Variants in ANKRD31 observed in about 807,000 individuals in gnomAD.
ANKRD31 encodes the protein ankyrin repeat domain-containing protein 31.
In ANKRD31, 147 loss-of-function variants were observed where a neutral mutation model predicts 186.0. That is an observed-to-expected ratio of 0.79 (90% confidence interval 0.69 to 0.91). The LOEUF (loss-of-function observed/expected upper bound fraction) is 0.91. ANKRD31 is among the 40% of genes least tolerant of loss of function. The pLI is 0.00. For missense variants in ANKRD31, 1,986 were observed against 2,148.8 expected, an observed-to-expected ratio of 0.92 and a Z score of 1.50; for synonymous variants, 673 against 736.4, an observed-to-expected ratio of 0.91 and a Z score of 1.39.
intron 5 of ANKRD31, among the ~76,000 whole-genome samples, chr5:75,205,347 G>T (rs1756106512): frequency 6.6e-6 from 1 of 152,118 alleles, no homozygotes; most frequent in Non-Finnish European, 1.5e-5. Flanking sequence ...GTTTATCACA[G>T]TTTGGCCACA....
intron 10 of ANKRD31, among the ~76,000 whole-genome samples, chr5:75,175,505 T>C (rs1486684387): frequency 6.6e-6 from 1 of 152,040 alleles, no homozygotes; most frequent in Non-Finnish European, 1.5e-5. Flanking sequence ...GTGAAAAATA[T>C]CAGAACAGTA....
chr5:75,141,306 A>T (rs1308422863), intron 15 of ANKRD31, among the ~76,000 whole-genome samples: 2 of 152,170 alleles, frequency 1.3e-5, no homozygotes, highest in Non-Finnish European at 2.9e-5. Flanking sequence ...TTAGCAATCC[A>T]AAATTCTTTA....
At chr5:75,113,691 T>A (rs1747963652) in intron 19 of ANKRD31, among the ~76,000 whole-genome samples, 1 of 152,242 alleles carries the variant, frequency 6.6e-6, no homozygotes, top group African/African-American at 2.4e-5. Context: ...CCATAAAAGA[T>A]ATTTTAAAAG....
chr5:75,192,759 A>T lies in ANKRD31; in HGVS notation c.1316T>A (p.Leu439Ter). 1 of 1,534,458 alleles carries T rather than the reference A, an allele frequency of 6.5e-7. No homozygotes were observed. The highest frequency in any genetic ancestry group is 2.4e-5 in the East Asian group (1 of 40,832). ...ATTCTTCTCTTTACCATCAATCATTAAAGCCGGATCCTGCATTCTTGAAAA... is the reference window on the plus strand; with the variant it reads ...ATTCTTCTCTTTACCATCAATCATTTAAGCCGGATCCTGCATTCTTGAAAA... Reference protein sequence around the residue: ...AQNFRMQDPALMIDGKEKNMH... With the variant: ...AQNFRMQDPA The change falls in exon 9 of 26, where the codon TTA (leucine) becomes TAA (stop). Residue 439 changes from leucine (L) to a stop codon, truncating the protein, a stop_gained. Coordinates refer to ENST00000506364, the MANE Select transcript of ANKRD31 (RefSeq NM_001372053.1). LOFTEE classifies it high-confidence loss of function.
At chr5:75,172,277 C>T (rs1454352150) in intron 10 of ANKRD31, among the ~76,000 whole-genome samples, 1 of 150,896 alleles carries the variant, frequency 6.6e-6, no homozygotes, top group African/African-American at 2.4e-5. Flanking sequence ...GCTAATTCAC[C>T]ACAGTAGTGA....
At chr5:75,086,907 A>G (rs1443763159) in intron 23 of ANKRD31, among the ~76,000 whole-genome samples, 1 of 152,200 alleles carries the variant, frequency 6.6e-6, no homozygotes, top group Non-Finnish European at 1.5e-5. Flanking sequence ...ACACACACAC[A>G]TGCATGTTTG....
intron 9 of ANKRD31, among the ~76,000 whole-genome samples, chr5:75,190,800 C>T (rs1296606566): frequency 6.6e-6 from 1 of 151,948 alleles, no homozygotes; most frequent in Non-Finnish European, 1.5e-5. Context: ...CAAGTATATA[C>T]CCATGAAACC....
intron 10 of ANKRD31, among the ~76,000 whole-genome samples, chr5:75,171,330 C>A (rs995109588): frequency 1.3e-5 from 2 of 151,722 alleles, no homozygotes; most frequent in African/African-American, 4.8e-5. Context: ...TAGAGAATCC[C>A]CAAACATTTT....
intron 25 of ANKRD31, among the ~76,000 whole-genome samples, chr5:75,079,033 A>G (rs1375706262): frequency 6.6e-6 from 1 of 152,228 alleles, no homozygotes; most frequent in Non-Finnish European, 1.5e-5. Flanking sequence ...TTATGTTTCA[A>G]GTCTTTAATT....
In ANKRD31 at chr5:75,068,648, T is replaced by C. The variant is rs1298900279; in HGVS notation, c.5664A>G (p.Ser1888=). Residue 1888 remains serine, a synonymous_variant, in exon 26 of 26, where the codon TCA becomes TCG. Transcript: ENST00000506364. Reference sequence around the variant, plus strand: ...GTAGATAACGTGGGCTGCTTTGCATTGACTCTCTGGAAGTTCCTGTTTAAA... The same window carrying C: ...GTAGATAACGTGGGCTGCTTTGCATCGACTCTCTGGAAGTTCCTGTTTAAA... ...TKFGQGTSRE[S]MQSSPRYLQI... is the part of the protein sequence containing the mutation. 5 of 1,509,440 alleles carry C rather than the reference T, an allele frequency of 3.3e-6. No homozygotes were observed. In the South Asian group the frequency reaches 5.2e-5, roughly 16 times the overall value. 93.5% of individuals were successfully genotyped at this position (1,509,440 alleles called of 1,614,324 possible).
At chr5:75,200,003 T>C (rs918733318) in intron 5 of ANKRD31, among the ~76,000 whole-genome samples, 1 of 152,176 alleles carries the variant, frequency 6.6e-6, no homozygotes, top group Non-Finnish European at 1.5e-5. Flanking sequence ...GACTATCTAC[T>C]TTCTCAGTGT....
chr5:75,152,585 T>G (rs1418985875), intron 12 of ANKRD31, among the ~76,000 whole-genome samples: 1 of 152,036 alleles, frequency 6.6e-6, no homozygotes, highest in Non-Finnish European at 1.5e-5. Context: ...CATATGGATC[T>G]CTTGAATGGA....
At chr5:75,214,874 G>A (rs1756869379) in intron 3 of ANKRD31, among the ~76,000 whole-genome samples, 1 of 152,184 alleles carries the variant, frequency 6.6e-6, no homozygotes, top group South Asian at 2.1e-4. Context: ...AACTGACTAT[G>A]AGACCAGTGA....
chr5:75,077,243 A>G (rs938038299), intron 25 of ANKRD31, among the ~76,000 whole-genome samples: 4 of 151,986 alleles, frequency 2.6e-5, no homozygotes, highest in African/African-American at 9.7e-5. Flanking sequence ...CAATTTTTCC[A>G]TTTTTAAAAT....
At chr5:75,218,837 C>T (rs530347596) in intron 3 of ANKRD31, among the ~76,000 whole-genome samples, 2 of 152,242 alleles carry the variant, frequency 1.3e-5, no homozygotes, top group Non-Finnish European at 1.5e-5. Flanking sequence ...CAAACATATT[C>T]AAATCAATAA....
At chr5:75,215,108 A>C (rs918137120) in intron 3 of ANKRD31, among the ~76,000 whole-genome samples, 1 of 152,164 alleles carries the variant, frequency 6.6e-6, no homozygotes, top group African/African-American at 2.4e-5. Context: ...GTACAGATGG[A>C]GTTTAAAGGC....
intron 2 of ANKRD31, among the ~76,000 whole-genome samples, chr5:75,229,552 A>G (rs1451263716): frequency 2.6e-5 from 4 of 152,166 alleles, no homozygotes; most frequent in Admixed American, 6.5e-5. Context: ...AATGGTAATC[A>G]GCAGGTCCTT....
In ANKRD31 at chr5:75,147,394, T is replaced by C; in HGVS notation, c.2017A>G (p.Ile673Val). ...VNKGSKASLFINKEDVYEYYQ... is the reference protein window; with the variant it reads ...VNKGSKASLFVNKEDVYEYYQ... ...TATTCATATACATCTTCTTTATTTA[T>C]AAATAAACTCGCTTTGCTTCCTTTA... The change falls in exon 14 of 26, where the codon ATA becomes GTA. Residue 673 changes from isoleucine to valine, a missense_variant. Physicochemically the swap from Ile to Val is conservative, Grantham distance 29. Coordinates refer to ENST00000506364, the MANE Select transcript of ANKRD31 (RefSeq NM_001372053.1). 3 of 1,523,802 alleles carry C rather than the reference T, an allele frequency of 2.0e-6. No homozygotes were observed. Among genetic ancestry groups the C allele is most frequent in the Non-Finnish European group, 2.6e-6 (3 of 1,141,830 alleles). The allele number at this position is 1,523,802 out of a possible 1,614,324, so 94.4% of individuals were successfully genotyped here.
At chr5:75,185,967 G>C (rs1452373182) in intron 10 of ANKRD31, among the ~76,000 whole-genome samples, 3 of 152,144 alleles carry the variant, frequency 2.0e-5, no homozygotes, top group African/African-American at 7.2e-5. Context: ...AGAATTATCA[G>C]TTTCAGGGCT....
Sources: allele counts gnomAD v4.1 joint callset (sites outside exome capture counted in the v4.1 genomes callset), GRCh38; gene constraint gnomAD v4.1.1; transcripts MANE v1.5; gene names NCBI Gene and HGNC (gene_info 2026-07-23, HGNC 2026-07-21).